Variants in NRG1 observed in about 807,000 individuals in gnomAD.
The protein encoded by NRG1 is neuregulin 1.
In NRG1, 18 loss-of-function variants were observed where a neutral mutation model predicts 63.8. The ratio of observed to expected loss-of-function variants is 0.28; its 90% CI spans 0.19 to 0.42. NRG1 has a LOEUF of 0.42. Ranked by LOEUF, NRG1 falls within the 10% of genes least tolerant of loss-of-function variation. NRG1 has a pLI of 1.00. For missense variants in NRG1, 762 were observed against 814.7 expected (o/e 0.94, Z 0.79); for synonymous variants, 302 against 301.3 (o/e 1.00, Z -0.02).
chr8:31,711,718 A>G (rs1454598230), intron 1 of NRG1, among the ~76,000 whole-genome samples: 1 of 152,202 alleles, frequency 6.6e-6, no homozygotes, highest in African/African-American at 2.4e-5. Context: ...CTTATGAACA[A>G]CAGAAATTTA....
chr8:31,639,902 C>G, intron 1 of NRG1: 1 of 1,088,110 alleles, frequency 9.2e-7, no homozygotes, highest in Non-Finnish European at 1.1e-6. Flanking sequence ...AGTGGTGCTG[C>G]GAGGGGAAGG....
chr8:32,398,170 C>G (rs1387161102), intron 1 of NRG1, among the ~76,000 whole-genome samples: 1 of 151,534 alleles, frequency 6.6e-6, no homozygotes, highest in Non-Finnish European at 1.5e-5. Context: ...CTGAAGAAGC[C>G]AGATTACTGG....
At chr8:31,985,619 T>C (rs2129631521) in intron 1 of NRG1, among the ~76,000 whole-genome samples, 1 of 152,186 alleles carries the variant, frequency 6.6e-6, no homozygotes, top group African/African-American at 2.4e-5. Context: ...TAAAGACATT[T>C]GGGGAGTATT....
intron 7 of NRG1, among the ~76,000 whole-genome samples, chr8:32,747,732 G>GTATATATA (rs35663919): frequency 0.027 from 3,521 of 132,006 alleles, 70 homozygotes; most frequent in Middle Eastern, 0.05. Context: ...ATGTGTGTGT[G>GTATATATA]TATATATATA....
chr8:31,700,646 A>G (rs1172483478), intron 1 of NRG1, among the ~76,000 whole-genome samples: 1 of 152,170 alleles, frequency 6.6e-6, no homozygotes, highest in Non-Finnish European at 1.5e-5. Context: ...AAAAACTGGC[A>G]TTAGAACCTC....
intron 1 of NRG1, among the ~76,000 whole-genome samples, chr8:31,706,143 C>T (rs1344094146): frequency 6.6e-6 from 1 of 152,058 alleles, no homozygotes; most frequent in Non-Finnish European, 1.5e-5. Flanking sequence ...GATTTCCTTC[C>T]TACATCCCCA....
intron 1 of NRG1, among the ~76,000 whole-genome samples, chr8:32,004,151 G>A (rs528327515): frequency 3.6e-4 from 55 of 151,984 alleles, no homozygotes; most frequent in African/African-American, 1.2e-3. Context: ...TATGATTGCA[G>A]CCCCACGACC....
At chr8:31,677,557 G>A (rs1453179310) in intron 1 of NRG1, among the ~76,000 whole-genome samples, 1 of 152,128 alleles carries the variant, frequency 6.6e-6, no homozygotes, top group African/African-American at 2.4e-5. Context: ...AGTGAGCTGA[G>A]ATCATGCCAT....
At chr8:32,509,122 C>T (rs10108127) in intron 1 of NRG1, among the ~76,000 whole-genome samples, 86,485 of 150,684 alleles carry the variant, frequency 0.57, 25,127 homozygotes, top group East Asian at 0.79. Context: ...TTATTTTTTG[C>T]GACAGGGTCT....
chr8:31,978,761 C>A (rs1808600907), intron 1 of NRG1, among the ~76,000 whole-genome samples: 1 of 152,070 alleles, frequency 6.6e-6, no homozygotes, highest in Non-Finnish European at 1.5e-5. Context: ...CTGAGACAAC[C>A]AATCCATATA....
chr8:31,973,509 A>G (rs1416533310), intron 1 of NRG1, among the ~76,000 whole-genome samples: 2 of 152,190 alleles, frequency 1.3e-5, no homozygotes, highest in Non-Finnish European at 2.9e-5. Context: ...GAATAGATGG[A>G]AAATCAAGGC....
At position 32,098,987 on chromosome 8, in the gene NRG1, A is replaced by G. The variant is rs148817292; in HGVS notation, c.37+459556A>G. On this transcript the variant is annotated intron_variant, in intron 1 of 10. Transcript: ENST00000519301. ...ACAATTGTTGTCACTGGTAGCATCT[A>G]TCTGGGGCCAGTGGCACAGGAGTAA... 1.1e-4 allele frequency among the ~76,000 whole-genome samples: 16 copies of G among 152,298 alleles called. No homozygotes were observed. In the East Asian group the frequency reaches 3.1e-3, roughly 29 times the overall value.
chr8:32,390,752 G>A (rs927293722), intron 1 of NRG1, among the ~76,000 whole-genome samples: 4 of 152,002 alleles, frequency 2.6e-5, no homozygotes, highest in African/African-American at 9.7e-5. Flanking sequence ...CTGTTTATCT[G>A]TCCAATGCCT....
intron 1 of NRG1, among the ~76,000 whole-genome samples, chr8:32,524,972 T>C (rs1830682543): frequency 6.6e-6 from 1 of 152,230 alleles, no homozygotes; most frequent in Admixed American, 6.5e-5. Flanking sequence ...GAAAAGCTTT[T>C]CCGTTAAGTT....
At chr8:31,864,578 C>T (rs567674942) in intron 1 of NRG1, among the ~76,000 whole-genome samples, 10 of 151,824 alleles carry the variant, frequency 6.6e-5, no homozygotes, top group South Asian at 2.1e-4. Flanking sequence ...AACTGAAAGG[C>T]GGAAAGTGCA....
At chr8:32,457,949 C>T (rs769237478) in intron 1 of NRG1, among the ~76,000 whole-genome samples, 24 of 151,594 alleles carry the variant, frequency 1.6e-4, no homozygotes, top group Non-Finnish European at 3.2e-4. Context: ...GATAGAGTCT[C>T]ACTCTGTCAC....
At chr8:31,656,371 G>A (rs12056766) in intron 1 of NRG1, among the ~76,000 whole-genome samples, 32,741 of 152,190 alleles carry the variant, frequency 0.22, 4,288 homozygotes, top group East Asian at 0.6. Context: ...CATTTTAAAT[G>A]TAAGAGTGCA....
intron 1 of NRG1, among the ~76,000 whole-genome samples, chr8:31,860,600 A>G (rs1442677547): frequency 1.3e-5 from 2 of 152,216 alleles, no homozygotes; most frequent in African/African-American, 4.8e-5. Flanking sequence ...CACCATAATA[A>G]TAATGATGAC....
chr8:32,265,286 GA>G (rs1180128272), intron 1 of NRG1, among the ~76,000 whole-genome samples: 1 of 152,042 alleles, frequency 6.6e-6, no homozygotes, highest in Non-Finnish European at 1.5e-5. Flanking sequence ...AGTGAGCCAA[GA>G]TTGTACCACT....
Sources: gnomAD v4.1 joint callset for allele counts (sites outside exome capture counted in the v4.1 genomes callset) on GRCh38, gnomAD v4.1.1 for gene constraint, MANE v1.5 for transcripts, NCBI Gene and HGNC (gene_info 2026-07-23, HGNC 2026-07-21) for gene names.